The following PTPRM variants were observed in gnomAD, a reference collection of about 807,000 sequenced individuals.
The protein encoded by PTPRM is protein tyrosine phosphatase receptor type M, also known as receptor-type tyrosine-protein phosphatase mu.
PTPRM carries 47 observed loss-of-function variants against 186.7 expected under a neutral mutation model. The observed-to-expected ratio is 0.25, with a 90% CI of 0.20 to 0.32. The LOEUF is 0.32. PTPRM is among the 10% of genes least tolerant of loss of function. The pLI is 1.00. For synonymous variants in PTPRM, 668 were observed against 674.9 expected, an observed-to-expected ratio of 0.99 and a Z score of 0.16; for missense variants, 1,494 against 1,865.0, an observed-to-expected ratio of 0.80 and a Z score of 3.66.
chr18:8,262,755 A>G (rs111799335), intron 19 of PTPRM, among the ~76,000 whole-genome samples: 5,436 of 152,316 alleles, frequency 0.036, 108 homozygotes, highest in South Asian at 0.058. Flanking sequence ...AGTAGGCAAT[A>G]TATTAATTGA....
intron 1 of PTPRM, among the ~76,000 whole-genome samples, chr18:7,623,601 A>G (rs1454206178): frequency 2.0e-5 from 3 of 152,102 alleles, no homozygotes; most frequent in Non-Finnish European, 4.4e-5. Context: ...TAATTTATAT[A>G]TTATTTTTTG....
chr18:7,652,259 G>T lies in PTPRM; in HGVS notation c.73+84368G>T, dbSNP rs566452888. ...ATTAAAAAGTCAGGAAACAACAGGT[G>T]CTGGAGAGGATGTAGAGAAATAGGA... On this transcript the variant is annotated intron_variant, in intron 1 of 32. Transcript: ENST00000580170. Among the ~76,000 whole-genome samples the T allele has an allele frequency of 6.6e-5, 10 of 152,298 alleles. No homozygotes were observed. The South Asian group carries it at 2.1e-3, about 32-fold the overall frequency.
In PTPRM at chr18:8,238,649, GTGTTTTTTTTTTTTTTTT is replaced by G. The variant is rs1441252347; in HGVS notation, c.2301-5407_2301-5390del. Among the ~76,000 whole-genome samples the G allele has an allele frequency of 8.6e-3, 631 of 73,698 alleles. 8 individuals are homozygous for G. Among genetic ancestry groups the G allele is most frequent in the African/African-American group, 0.025 (592 of 23,724 alleles). 48.3% of individuals were successfully genotyped at this position (73,698 alleles called of 152,430 possible). A position where few individuals can be genotyped will look rare whatever the true frequency, so the allele number is the denominator to read the frequency against. Reference sequence around the variant, plus strand: ...GCTCTGTCTCTTCACACTGTTTTGTGTGTTTTTTTTTTTTTTTTTTTTTTTTTTTTTTTTTGCGAAGCT... The same window carrying G: ...GCTCTGTCTCTTCACACTGTTTTGTGTTTTTTTTTTTTTTTTTGCGAAGCT... On this transcript the variant is annotated intron_variant, in intron 14 of 32. Coordinates refer to ENST00000580170, the MANE Select transcript of PTPRM (RefSeq NM_001105244.2).
intron 31 of PTPRM, among the ~76,000 whole-genome samples, chr18:8,391,901 G>GA (rs1391299573): frequency 2.0e-5 from 3 of 152,074 alleles, no homozygotes; most frequent in Admixed American, 6.6e-5. Context: ...AATCAATCTT[G>GA]AATTCTTACC....
At chr18:8,208,778 T>C (rs12954645) in intron 14 of PTPRM, among the ~76,000 whole-genome samples, 51,297 of 152,092 alleles carry the variant, frequency 0.34, 9,200 homozygotes, top group Middle Eastern at 0.52. Flanking sequence ...CCCCAAAGTG[T>C]TGGGATTACA....
At chr18:8,247,943 C>G in intron 16 of PTPRM, 24 bp downstream of exon 16, 1 of 1,519,982 alleles carries the variant, frequency 6.6e-7, no homozygotes, top group Non-Finnish European at 9.1e-7. Context: ...CCATTGTCTC[C>G]TCTCTGCTCT....
At chr18:7,769,613 A>G (rs1313980774) in intron 1 of PTPRM, among the ~76,000 whole-genome samples, 3 of 152,094 alleles carry the variant, frequency 2.0e-5, no homozygotes, top group Non-Finnish European at 4.4e-5. Flanking sequence ...CCACATTTCT[A>G]GTGTCCTTTT....
chr18:8,019,131 T>C (rs1390569946), intron 7 of PTPRM, among the ~76,000 whole-genome samples: 4 of 152,190 alleles, frequency 2.6e-5, no homozygotes, highest in African/African-American at 9.7e-5. Context: ...CACTGCACTC[T>C]GCACAGAAGG....
chr18:7,587,884 A>T (rs954054273), intron 1 of PTPRM, among the ~76,000 whole-genome samples: 1 of 152,154 alleles, frequency 6.6e-6, no homozygotes, highest in Non-Finnish European at 1.5e-5. Context: ...CTATCAGATA[A>T]AGTCTAACAT....
chr18:7,908,721 C>T (rs1440893603), intron 4 of PTPRM, among the ~76,000 whole-genome samples: 1 of 152,178 alleles, frequency 6.6e-6, no homozygotes, highest in East Asian at 1.9e-4. Flanking sequence ...AGAAGATTCC[C>T]TGTCCCCTCC....
intron 19 of PTPRM, among the ~76,000 whole-genome samples, chr18:8,295,139 T>C (rs1037208536): frequency 3.6e-4 from 55 of 152,114 alleles, no homozygotes; most frequent in Non-Finnish European, 6.8e-4. Context: ...CACTGTCCAC[T>C]TAGTGGTCAG....
intron 2 of PTPRM, among the ~76,000 whole-genome samples, chr18:7,779,129 A>G (rs573636894): frequency 1.3e-5 from 2 of 152,340 alleles, no homozygotes; most frequent in East Asian, 3.9e-4. Context: ...ACTTATAATC[A>G]TAGCTATAAC....
rs534087008 is a variant in PTPRM at position 7,948,004 on chromosome 18, G to A, written c.664-1177G>A. On this transcript the variant is annotated intron_variant, in intron 5 of 32. Transcript: ENST00000580170. ...CAAGAGTGGTTGCTGAGTGAATAAC[G>A]GACATAGTGCTTGGGCATTACGCTT... is the stretch of plus-strand genomic sequence containing the variant. Among the ~76,000 whole-genome samples, 8 of 152,150 alleles carry A rather than the reference G, an allele frequency of 5.3e-5. No individual in the cohort carries two copies. In the South Asian group the frequency reaches 1.0e-3, roughly 20 times the overall value.
chr18:7,733,736 G>T (rs970700870), intron 1 of PTPRM, among the ~76,000 whole-genome samples: 1 of 152,138 alleles, frequency 6.6e-6, no homozygotes, highest in African/African-American at 2.4e-5. Context: ...CTCACAAACT[G>T]AATACCAGAG....
intron 1 of PTPRM, among the ~76,000 whole-genome samples, chr18:7,594,395 G>A (rs571426656): frequency 6.6e-6 from 1 of 151,992 alleles, no homozygotes; most frequent in African/African-American, 2.4e-5. Context: ...TGGGAGAATC[G>A]CTTGAGCCCT....
At chr18:7,977,081 G>T (rs1356809854) in intron 7 of PTPRM, among the ~76,000 whole-genome samples, 1 of 151,864 alleles carries the variant, frequency 6.6e-6, no homozygotes, top group Non-Finnish European at 1.5e-5. Context: ...AATAATACCT[G>T]AATTGTTTTT....
chr18:7,815,605 G>A (rs1159231664), intron 2 of PTPRM: 2 of 152,138 alleles, frequency 1.3e-5, no homozygotes, highest in East Asian at 3.9e-4. Flanking sequence ...ATCGCTCGAG[G>A]CCAGGATTTT....
intron 1 of PTPRM, among the ~76,000 whole-genome samples, chr18:7,582,866 G>A (rs1163084631): frequency 5.9e-5 from 9 of 152,170 alleles, no homozygotes. Context: ...TTCAATCCCT[G>A]TGTCCCTGGG....
chr18:8,024,613 C>T (rs183184321), intron 7 of PTPRM, among the ~76,000 whole-genome samples: 1 of 150,718 alleles, frequency 6.6e-6, no homozygotes, highest in African/African-American at 2.4e-5. Context: ...GTCCATGTTT[C>T]TGCAAATCTC....
Sources: gnomAD v4.1 joint callset for allele counts (sites outside exome capture counted in the v4.1 genomes callset) on GRCh38, gnomAD v4.1.1 for gene constraint, MANE v1.5 for transcripts, NCBI Gene and HGNC (gene_info 2026-07-23, HGNC 2026-07-21) for gene names.